The following PCCA variants were observed in gnomAD, a reference collection of about 807,000 sequenced individuals.
PCCA encodes propionyl-CoA carboxylase subunit alpha.
In PCCA, 74 loss-of-function variants were observed where a neutral mutation model predicts 101.3. The observed-to-expected ratio is 0.73, with a 90% CI of 0.61 to 0.89. PCCA has a LOEUF of 0.89. PCCA is among the 40% of genes least tolerant of loss of function. The probability of loss-of-function intolerance (pLI) is 0.00; values close to 1 mark genes in which losing one functional copy is unlikely to be tolerated. For missense variants in PCCA, 891 were observed against 907.0 expected, an observed-to-expected ratio of 0.98 and a Z score of 0.23; for synonymous variants, 294 against 313.6, an observed-to-expected ratio of 0.94 and a Z score of 0.66.
chr13:100,487,690 G>T (rs1031944122), intron 21 of PCCA, among the ~76,000 whole-genome samples: 2 of 152,108 alleles, frequency 1.3e-5, no homozygotes, highest in African/African-American at 4.8e-5. Context: ...AGCTCATTTT[G>T]TGGGATACCA....
rs555887381 is a variant in PCCA at position 100,323,423 on chromosome 13, G to C, written c.1430-7138G>C. Among the ~76,000 whole-genome samples, 4 of 152,086 alleles carry C rather than the reference G, an allele frequency of 2.6e-5. No individual in the cohort carries two copies. The East Asian group carries it at 7.8e-4, about 30-fold the overall frequency. On this transcript the variant is annotated intron_variant, in intron 16 of 23. Coordinates refer to ENST00000376285, the MANE Select transcript of PCCA (RefSeq NM_000282.4). Reference sequence around the variant, plus strand: ...TACAACCTTCACCTCCCGGCTTCAAGCGGGAGGCCTCAGCCTCAAGAGTAG... The same window carrying C: ...TACAACCTTCACCTCCCGGCTTCAACCGGGAGGCCTCAGCCTCAAGAGTAG...
At chr13:100,153,015 T>C (rs964636795) in intron 4 of PCCA, among the ~76,000 whole-genome samples, 2 of 152,184 alleles carry the variant, frequency 1.3e-5, no homozygotes, top group Non-Finnish European at 2.9e-5. Flanking sequence ...AATTGCCATA[T>C]GTATTGCCAA....
intron 20 of PCCA, among the ~76,000 whole-genome samples, chr13:100,435,016 G>A (rs772659847): frequency 6.6e-5 from 10 of 152,150 alleles, no homozygotes; most frequent in South Asian, 2.1e-4. Context: ...GGTACTTGGC[G>A]TCTACTTCTT....
At chr13:100,487,612 T>C (rs2084490721) in intron 21 of PCCA, among the ~76,000 whole-genome samples, 3 of 152,246 alleles carry the variant, frequency 2.0e-5, no homozygotes, top group Admixed American at 2.0e-4. Context: ...GAATGCAGCA[T>C]TTCTCAAATG....
At chr13:100,281,145 A>T (rs537645269) in intron 12 of PCCA, among the ~76,000 whole-genome samples, 1 of 152,218 alleles carries the variant, frequency 6.6e-6, no homozygotes, top group Non-Finnish European at 1.5e-5. Context: ...GGCAATTCAC[A>T]TATGCCAGAG....
chr13:100,215,277 A>G (rs1485904912), intron 7 of PCCA, among the ~76,000 whole-genome samples: 1 of 152,230 alleles, frequency 6.6e-6, no homozygotes, highest in Non-Finnish European at 1.5e-5. Flanking sequence ...TTCAGTAGAT[A>G]TTTACCAAGT....
chr13:100,259,988 T>C (rs1306054436), intron 9 of PCCA, among the ~76,000 whole-genome samples: 1 of 152,218 alleles, frequency 6.6e-6, no homozygotes, highest in Non-Finnish European at 1.5e-5. Flanking sequence ...TTGCTGCTTA[T>C]TTTATTTTGG....
chr13:100,180,130 A>G (rs2056654928), intron 6 of PCCA, among the ~76,000 whole-genome samples: 1 of 152,172 alleles, frequency 6.6e-6, no homozygotes, highest in Non-Finnish European at 1.5e-5. Context: ...GCACTTCTGT[A>G]TCACTTCTGA....
intron 18 of PCCA, among the ~76,000 whole-genome samples, chr13:100,341,058 T>G (rs2071231418): frequency 6.6e-6 from 1 of 152,208 alleles, no homozygotes; most frequent in East Asian, 1.9e-4. Context: ...TCTTAGTGGC[T>G]AATGTGGTTT....
At chr13:100,275,483 A>T (rs916052678) in intron 12 of PCCA, among the ~76,000 whole-genome samples, 1 of 151,846 alleles carries the variant, frequency 6.6e-6, no homozygotes, top group African/African-American at 2.4e-5. Context: ...TCATGCTTTT[A>T]CTCTCGACCT....
At chr13:100,395,717 T>C (rs2077013094) in intron 19 of PCCA, among the ~76,000 whole-genome samples, 1 of 152,228 alleles carries the variant, frequency 6.6e-6, no homozygotes, top group Non-Finnish European at 1.5e-5. Flanking sequence ...CATGATTTTG[T>C]AATGTTTTTA....
intron 21 of PCCA, among the ~76,000 whole-genome samples, chr13:100,502,497 C>T (rs916659230): frequency 1.3e-5 from 2 of 152,204 alleles, no homozygotes; most frequent in African/African-American, 4.8e-5. Context: ...TCATGAGTTA[C>T]TGTGTAGCAT....
chr13:100,170,259 T>A (rs1443381352), intron 6 of PCCA, among the ~76,000 whole-genome samples: 3 of 152,190 alleles, frequency 2.0e-5, no homozygotes, highest in Non-Finnish European at 2.9e-5. Flanking sequence ...TTGGAAAGAT[T>A]TTTGTTTTTG....
At chr13:100,101,317 T>TA (rs2152244713) in intron 1 of PCCA, among the ~76,000 whole-genome samples, 1 of 152,340 alleles carries the variant, frequency 6.6e-6, no homozygotes, top group East Asian at 1.9e-4. Context: ...TTAAATCTTA[T>TA]AACCATTACA....
At chr13:100,367,617 A>T (rs189152378) in intron 18 of PCCA, among the ~76,000 whole-genome samples, 1 of 150,892 alleles carries the variant, frequency 6.6e-6, no homozygotes, top group Non-Finnish European at 1.5e-5. Context: ...TAGTAATAAC[A>T]TTATAAAATA....
At chr13:100,487,969 A>G (rs1242696692) in intron 21 of PCCA, among the ~76,000 whole-genome samples, 1 of 152,124 alleles carries the variant, frequency 6.6e-6, no homozygotes, top group Non-Finnish European at 1.5e-5. Context: ...GGCTCAAGTG[A>G]TCCTCCTGCC....
chr13:100,499,443 T>C (rs1423358128), intron 21 of PCCA, among the ~76,000 whole-genome samples: 1 of 152,270 alleles, frequency 6.6e-6, no homozygotes, highest in Non-Finnish European at 1.5e-5. Context: ...ATTATTTTCT[T>C]CTGGTCCAGG....
intron 10 of PCCA, 77 bp from the exon 11 acceptor site, chr13:100,268,612 T>C (rs1325729094): frequency 1.0e-6 from 1 of 981,806 alleles, no homozygotes; most frequent in Non-Finnish European, 1.7e-6. Flanking sequence ...CAAGAGATGT[T>C]GCATGCGGAA....
intron 8 of PCCA, among the ~76,000 whole-genome samples, chr13:100,241,343 A>G (rs2061121409): frequency 6.6e-6 from 1 of 152,226 alleles, no homozygotes; most frequent in Non-Finnish European, 1.5e-5. Flanking sequence ...AAATGGAATC[A>G]CAACATATGA....
Sources: allele counts gnomAD v4.1 joint callset (sites outside exome capture counted in the v4.1 genomes callset), GRCh38; gene constraint gnomAD v4.1.1; transcripts MANE v1.5; gene names NCBI Gene and HGNC (gene_info 2026-07-23, HGNC 2026-07-21).